ROBO2: variants seen among roughly 807,000 people sequenced by gnomAD.
The protein encoded by ROBO2 is roundabout homolog 2.
ROBO2 carries 53 observed loss-of-function variants against 160.8 expected under a neutral mutation model. The observed-to-expected ratio is 0.33, with a 90% CI of 0.26 to 0.41. ROBO2 has a LOEUF of 0.41. Among genes scored for constraint, ROBO2 ranks in the 10% least tolerant of loss-of-function variants. ROBO2 has a pLI of 1.00. For missense variants in ROBO2, 1,577 were observed against 1,722.4 expected (o/e 0.92, Z 1.49); for synonymous variants, 664 against 611.7 (o/e 1.09, Z -1.26).
chr3:76,295,517 ATCT>A (rs1287556352), intron 2 of ROBO2, among the ~76,000 whole-genome samples: 3 of 152,156 alleles, frequency 2.0e-5, no homozygotes, highest in Non-Finnish European at 2.9e-5. Context: ...ACATCTGAAA[ATCT>A]TCTTCTGTAC....
intron 2 of ROBO2, among the ~76,000 whole-genome samples, chr3:76,974,028 T>C (rs951257745): frequency 1.3e-5 from 2 of 152,206 alleles, no homozygotes; most frequent in African/African-American, 2.4e-5. Context: ...TTTTCCTTTT[T>C]AATTTTGGTG....
intron 2 of ROBO2, among the ~76,000 whole-genome samples, chr3:76,950,704 C>A (rs2078903391): frequency 6.6e-6 from 1 of 152,002 alleles, no homozygotes. Context: ...CTAGAGTGTG[C>A]TTGCTTTTCA....
intron 2 of ROBO2, among the ~76,000 whole-genome samples, chr3:77,293,015 A>T (rs1264740660): frequency 3.3e-5 from 5 of 151,692 alleles, no homozygotes; most frequent in Admixed American, 2.6e-4. Flanking sequence ...CTGAGGCTAG[A>T]TCACCAAAGA....
chr3:76,836,576 C>T (rs987237926), intron 2 of ROBO2, among the ~76,000 whole-genome samples: 5 of 151,518 alleles, frequency 3.3e-5, no homozygotes, highest in Non-Finnish European at 4.4e-5. Flanking sequence ...CACATACTTT[C>T]TAATTTCCTT....
At chr3:76,673,139 G>T (rs1025695036) in intron 2 of ROBO2, among the ~76,000 whole-genome samples, 19 of 152,118 alleles carry the variant, frequency 1.2e-4, no homozygotes, top group Non-Finnish European at 4.4e-5. Flanking sequence ...TACTAAAACA[G>T]TAATGCTTTA....
At chr3:76,743,718 T>C (rs930710130) in intron 2 of ROBO2, among the ~76,000 whole-genome samples, 1 of 151,972 alleles carries the variant, frequency 6.6e-6, no homozygotes, top group Admixed American at 6.6e-5. Flanking sequence ...CATTCTTCCT[T>C]TTTTTCTCTT....
intron 2 of ROBO2, among the ~76,000 whole-genome samples, chr3:76,338,451 A>T (rs1024542642): frequency 6.6e-6 from 1 of 152,016 alleles, no homozygotes; most frequent in African/African-American, 2.4e-5. Context: ...TCAAGGTGAG[A>T]GGTTTGCTTA....
intron 2 of ROBO2, among the ~76,000 whole-genome samples, chr3:76,236,584 G>A (rs1268048564): frequency 6.6e-6 from 1 of 152,082 alleles, no homozygotes; most frequent in Non-Finnish European, 1.5e-5. Context: ...GATTATTAGT[G>A]CTGCTTCTGC....
At chr3:77,087,760 G>A (rs550887477) in intron 1 of ROBO2, among the ~76,000 whole-genome samples, 6 of 151,692 alleles carry the variant, frequency 4.0e-5, no homozygotes, top group African/African-American at 1.2e-4. Context: ...ATATACATAT[G>A]TGTGTATACA....
intron 2 of ROBO2, among the ~76,000 whole-genome samples, chr3:76,226,051 A>T (rs867184008): frequency 6.6e-6 from 1 of 152,214 alleles, no homozygotes; most frequent in South Asian, 2.1e-4. Flanking sequence ...CTCTAAAATA[A>T]ATAGCTTATC....
intron 2 of ROBO2, among the ~76,000 whole-genome samples, chr3:76,773,577 A>AT (rs35654330): frequency 0.49 from 73,086 of 149,740 alleles, 18,622 homozygotes; most frequent in African/African-American, 0.65. Flanking sequence ...TACAAGATTA[A>AT]TTTTTTTTTA....
At chr3:76,012,695 G>T (rs1451723027) in intron 2 of ROBO2, among the ~76,000 whole-genome samples, 1 of 152,196 alleles carries the variant, frequency 6.6e-6, no homozygotes, top group Non-Finnish European at 1.5e-5. Flanking sequence ...AATCCGTGTG[G>T]TGTTATTTTT....
intron 2 of ROBO2, among the ~76,000 whole-genome samples, chr3:76,348,808 T>C (rs968513617): frequency 6.6e-6 from 1 of 152,140 alleles, no homozygotes; most frequent in Non-Finnish European, 1.5e-5. Context: ...TAAATTGCCC[T>C]GAAGGATGGA....
chr3:76,284,431 A>G (rs1335660174), intron 2 of ROBO2, among the ~76,000 whole-genome samples: 1 of 152,050 alleles, frequency 6.6e-6, no homozygotes, highest in Admixed American at 6.6e-5. Flanking sequence ...GATAAACTTA[A>G]TCATCTTAAC....
intron 2 of ROBO2, among the ~76,000 whole-genome samples, chr3:76,119,908 C>CCCTCCCTCCCTCCCTTCCTT (rs1469088094): frequency 4.3e-4 from 38 of 88,678 alleles, no homozygotes; most frequent in African/African-American, 1.8e-3. Flanking sequence ...TCCCTTCCTT[C>CCCTCCCTCCCTCCCTTCCTT]CCTCCCTCCC....
chr3:77,128,971 ATAAT>A (rs2075598742), intron 2 of ROBO2, among the ~76,000 whole-genome samples: 1 of 152,128 alleles, frequency 6.6e-6, no homozygotes, highest in Non-Finnish European at 1.5e-5. Context: ...TTATTGCATA[ATAAT>A]TTTACTTTTT....
chr3:76,555,358 G>GGAGGAAGAGGAGGAAGAGGAAGA (rs1201244951), intron 2 of ROBO2, among the ~76,000 whole-genome samples: 18 of 57,982 alleles, frequency 3.1e-4, no homozygotes, highest in African/African-American at 9.3e-4. Context: ...AGTAGGAAGA[G>GGAGGAAGAGGAGGAAGAGGAAGA]AGAAGAAGAA....
intron 2 of ROBO2, among the ~76,000 whole-genome samples, chr3:76,650,828 T>C (rs983664468): frequency 1.3e-5 from 2 of 152,166 alleles, no homozygotes; most frequent in Admixed American, 1.3e-4. Flanking sequence ...AGTACTGAGA[T>C]TATTTTGAAT....
At chr3:77,385,698 C>T (rs2074026894) in intron 2 of ROBO2, among the ~76,000 whole-genome samples, 1 of 152,100 alleles carries the variant, frequency 6.6e-6, no homozygotes, top group African/African-American at 2.4e-5. Context: ...ATGAATTCCT[C>T]AAGTGAAATG....
Sources: allele counts gnomAD v4.1 joint callset (sites outside exome capture counted in the v4.1 genomes callset), GRCh38; gene constraint gnomAD v4.1.1; transcripts MANE v1.5; gene names NCBI Gene and HGNC (gene_info 2026-07-23, HGNC 2026-07-21).